TNIK: variants seen among roughly 807,000 people sequenced by gnomAD.
TNIK encodes TRAF2 and NCK-interacting protein kinase.
Under a neutral mutation model 191.3 loss-of-function variants are expected in TNIK, and 49 were observed. The observed-to-expected ratio is 0.26, with a 90% CI of 0.20 to 0.32. The LOEUF (loss-of-function observed/expected upper bound fraction) is 0.32. TNIK is among the 10% of genes least tolerant of loss of function. The pLI is 1.00. For synonymous variants in TNIK, 594 were observed against 600.9 expected (o/e 0.99, Z 0.17); for missense variants, 1,155 against 1,702.3 (o/e 0.68, Z 5.66).
At chr3:171,249,357 T>A (rs1745974627) in intron 2 of TNIK, among the ~76,000 whole-genome samples, 1 of 152,190 alleles carries the variant, frequency 6.6e-6, no homozygotes, top group African/African-American at 2.4e-5. Context: ...AATGTGAATA[T>A]CAGATCTGTA....
At chr3:171,363,896 G>C (rs1468824853) in intron 2 of TNIK, among the ~76,000 whole-genome samples, 1 of 152,120 alleles carries the variant, frequency 6.6e-6, no homozygotes, top group Admixed American at 6.5e-5. Context: ...CTTTGAATAA[G>C]CCAAAACAGG....
At chr3:171,269,205 A>G (rs563123134) in intron 2 of TNIK, among the ~76,000 whole-genome samples, 1 of 152,280 alleles carries the variant, frequency 6.6e-6, no homozygotes, top group Admixed American at 6.5e-5. Context: ...ACTGTCTGTA[A>G]TTTATTTAGA....
At chr3:171,404,871 T>C (rs577050299) in intron 1 of TNIK, among the ~76,000 whole-genome samples, 4 of 152,184 alleles carry the variant, frequency 2.6e-5, no homozygotes, top group Non-Finnish European at 1.5e-5. Context: ...CTAGACAGTA[T>C]TTTCTCTATG....
chr3:171,209,005 A>G (rs1334123296), intron 4 of TNIK, among the ~76,000 whole-genome samples: 1 of 151,754 alleles, frequency 6.6e-6, no homozygotes, highest in Non-Finnish European at 1.5e-5. Flanking sequence ...GACCTGATTT[A>G]GGACATATTC....
At chr3:171,396,554 G>C (rs571847070) in intron 1 of TNIK, among the ~76,000 whole-genome samples, 1 of 152,138 alleles carries the variant, frequency 6.6e-6, no homozygotes, top group Non-Finnish European at 1.5e-5. Flanking sequence ...TGATCTCCAG[G>C]TGGCAGAAAG....
intron 3 of TNIK, among the ~76,000 whole-genome samples, chr3:171,227,250 T>C (rs1462775527): frequency 6.6e-6 from 1 of 152,198 alleles, no homozygotes; most frequent in Non-Finnish European, 1.5e-5. Flanking sequence ...ATAAAATCTA[T>C]TTCTTAGATT....
At chr3:171,102,817 G>A (rs956882014) in intron 21 of TNIK, among the ~76,000 whole-genome samples, 1 of 152,172 alleles carries the variant, frequency 6.6e-6, no homozygotes, top group African/African-American at 2.4e-5. Context: ...CCTGGGTGAT[G>A]ACATTGGGTA....
intron 5 of TNIK, among the ~76,000 whole-genome samples, chr3:171,192,022 T>C (rs889958625): frequency 1.3e-5 from 2 of 152,122 alleles, no homozygotes; most frequent in Non-Finnish European, 2.9e-5. Flanking sequence ...AAAAATGAGG[T>C]TGACAGGAAA....
At chr3:171,224,394 T>C (rs1742730819) in intron 3 of TNIK, among the ~76,000 whole-genome samples, 1 of 151,926 alleles carries the variant, frequency 6.6e-6, no homozygotes, top group African/African-American at 2.4e-5. Flanking sequence ...CACTTCAGGG[T>C]GTCACTGTAA....
chr3:171,209,064 G>GGTGTGTGTGTGTGTGTGTGTGT (rs61264225), intron 4 of TNIK, among the ~76,000 whole-genome samples: 2 of 142,116 alleles, frequency 1.4e-5, no homozygotes, highest in African/African-American at 5.3e-5. Context: ...CTTTGGAAGG[G>GGTGTGTGTGTGTGTGTGTGTGT]GTGTGTGTGT....
At chr3:171,109,461 C>T (rs901534531) in intron 19 of TNIK, among the ~76,000 whole-genome samples, 9 of 152,212 alleles carry the variant, frequency 5.9e-5, no homozygotes, top group Middle Eastern at 3.4e-3. Context: ...AATCCAGAGA[C>T]GTGAACATCA....
chr3:171,109,136 A>C (rs2108496902), intron 19 of TNIK, among the ~76,000 whole-genome samples: 1 of 152,292 alleles, frequency 6.6e-6, no homozygotes, highest in African/African-American at 2.4e-5. Context: ...GTTGCCTATA[A>C]ATAGAAAAAA....
chr3:171,289,180 T>C (rs973016016), intron 2 of TNIK, among the ~76,000 whole-genome samples: 5 of 152,148 alleles, frequency 3.3e-5, no homozygotes, highest in East Asian at 1.9e-4. Flanking sequence ...ATGTCCCAAA[T>C]TGGAAGTTAG....
At chr3:171,101,311 C>T in intron 22 of TNIK, 138 bp downstream of exon 22, 1 of 950,466 alleles carries the variant, frequency 1.1e-6, no homozygotes, top group Non-Finnish European at 1.5e-6. Context: ...TATGCTCCAA[C>T]AAAAACCCAA....
At position 171,063,541 on chromosome 3, in the gene TNIK, A is replaced by C. The variant is rs543192441; in HGVS notation, c.*340T>G. The C allele has an allele frequency of 9.7e-5, 18 of 185,224 alleles. No individual in the cohort carries two copies. Among genetic ancestry groups the C allele is most frequent in the African/African-American group, 4.2e-4 (18 of 42,824 alleles). 11.5% of individuals were successfully genotyped at this position (185,224 alleles called of 1,614,324 possible). On this transcript the variant is annotated 3_prime_UTR_variant, in exon 33 of 33. Coordinates refer to ENST00000436636, the MANE Select transcript of TNIK (RefSeq NM_015028.4). ...TAAAGGGGTAAAGAAAAAAGGTAAA[A>C]ACCTGAAAACCCACCATAACACAGC...
At chr3:171,283,325 TTTTTCTC>T (rs139521262) in intron 2 of TNIK, among the ~76,000 whole-genome samples, 9,117 of 152,192 alleles carry the variant, frequency 0.06, 316 homozygotes, top group Middle Eastern at 0.12. Context: ...TCTTTTTTCT[TTTTTCTC>T]TTTTGATGGG....
At chr3:171,427,589 G>T (rs953100825) in intron 1 of TNIK, among the ~76,000 whole-genome samples, 4 of 152,196 alleles carry the variant, frequency 2.6e-5, no homozygotes, top group African/African-American at 9.7e-5. Flanking sequence ...CATAACAAAA[G>T]TGCTATTATT....
intron 24 of TNIK, 129 bp downstream of exon 24, chr3:171,087,213 G>T: frequency 7.6e-7 from 1 of 1,307,620 alleles, no homozygotes; most frequent in Non-Finnish European, 1.0e-6. Context: ...TGCATAAGTA[G>T]CTCTATGGTA....
At chr3:171,374,682 T>C (rs1716978556) in intron 1 of TNIK, among the ~76,000 whole-genome samples, 1 of 152,164 alleles carries the variant, frequency 6.6e-6, no homozygotes, top group East Asian at 1.9e-4. Context: ...GAAATATAAC[T>C]ACATATCAAA....
Sources: gnomAD v4.1 joint callset for allele counts (sites outside exome capture counted in the v4.1 genomes callset) on GRCh38, gnomAD v4.1.1 for gene constraint, MANE v1.5 for transcripts, NCBI Gene and HGNC (gene_info 2026-07-23, HGNC 2026-07-21) for gene names.